The following LRP5 variants were observed in gnomAD, a reference collection of about 807,000 sequenced individuals.
The protein encoded by LRP5 is LDL receptor related protein 5.
Under a neutral mutation model 154.1 loss-of-function variants are expected in LRP5, and 62 were observed. The ratio of observed to expected loss-of-function variants is 0.40; its 90% CI spans 0.33 to 0.50. LRP5 has a LOEUF of 0.50. Ranked by LOEUF, LRP5 falls within the 20% of genes least tolerant of loss-of-function variation. The pLI is 0.55. For missense variants in LRP5, 1,915 were observed against 2,336.7 expected (o/e 0.82, Z 3.72); for synonymous variants, 966 against 1,011.5 (o/e 0.96, Z 0.85).
chr11:68,434,627 G>A (rs193258297), intron 18 of LRP5, among the ~76,000 whole-genome samples: 3,450 of 152,246 alleles, frequency 0.023, 135 homozygotes, highest in African/African-American at 0.079. Flanking sequence ...TGATCCGCCC[G>A]CCTCAGCCTC....
At chr11:68,342,571 G>A (rs941020867) in intron 1 of LRP5, among the ~76,000 whole-genome samples, 18 of 152,212 alleles carry the variant, frequency 1.2e-4, no homozygotes, top group African/African-American at 3.9e-4. Context: ...GGTGGTGGGA[G>A]AGTGATGTGG....
intron 13 of LRP5, among the ~76,000 whole-genome samples, chr11:68,421,861 C>G (rs1237089055): frequency 6.6e-6 from 1 of 151,510 alleles, no homozygotes; most frequent in Non-Finnish European, 1.5e-5. Context: ...GGGAGGCACC[C>G]TTTCCATCTG....
intron 1 of LRP5, among the ~76,000 whole-genome samples, chr11:68,328,570 G>A (rs1035279079): frequency 5.9e-5 from 9 of 152,156 alleles, no homozygotes; most frequent in Admixed American, 2.6e-4. Flanking sequence ...CTCCCACCTC[G>A]ATGGAAACCA....
intron 16 of LRP5, among the ~76,000 whole-genome samples, chr11:68,427,382 A>G (rs953259218): frequency 6.6e-6 from 1 of 152,110 alleles, no homozygotes; most frequent in African/African-American, 2.4e-5. Flanking sequence ...CAAAAAATAC[A>G]AACAAAAAGG....
At chr11:68,361,498 G>A (rs190233348) in intron 3 of LRP5, among the ~76,000 whole-genome samples, 7 of 150,738 alleles carry the variant, frequency 4.6e-5, no homozygotes, top group Admixed American at 1.3e-4. Context: ...TTAGCCAGGC[G>A]TGGTGGCCGG....
chr11:68,449,213 G>A lies in LRP5; in HGVS notation c.*143G>A. The A allele has an allele frequency of 2.1e-6, 1 of 476,786 alleles. No homozygotes were observed. The highest frequency in any genetic ancestry group is 3.9e-5 in the East Asian group (1 of 25,376). The allele number at this position is 476,786 out of a possible 1,614,324, so 29.5% of individuals were successfully genotyped here. A position where few individuals can be genotyped will look rare whatever the true frequency, so the allele number is the denominator to read the frequency against. ...AGAAATGTGAACTGTGATGGGGTGGGCAGGGCTGGGAGAACTTTGTACAGT... is the reference window on the plus strand; with the variant it reads ...AGAAATGTGAACTGTGATGGGGTGGACAGGGCTGGGAGAACTTTGTACAGT... On this transcript the variant is annotated 3_prime_UTR_variant, in exon 23 of 23. Transcript: ENST00000294304.
chr11:68,341,576 T>C lies in LRP5; in HGVS notation c.92-6271T>C, dbSNP rs772069994. ...GTGACCCCTGAGCTTCAGGGGGCTG[T>C]GAAACGAGAGACCTTGGGCACATGG... On this transcript the variant is annotated intron_variant, in intron 1 of 22. Coordinates refer to ENST00000294304, the MANE Select transcript of LRP5 (RefSeq NM_002335.4). Among the ~76,000 whole-genome samples the C allele has an allele frequency of 6.6e-5, 10 of 152,178 alleles. No individual in the cohort carries two copies. The South Asian group carries it at 1.0e-3, about 16-fold the overall frequency.
intron 1 of LRP5, among the ~76,000 whole-genome samples, chr11:68,335,101 C>T (rs1231672674): frequency 1.4e-5 from 2 of 144,642 alleles, no homozygotes; most frequent in African/African-American, 5.1e-5. Context: ...TTTAAGACAG[C>T]GTCTTGCTGT....
chr11:68,439,163 G>A (rs921453872), intron 20 of LRP5, among the ~76,000 whole-genome samples: 5 of 152,226 alleles, frequency 3.3e-5, no homozygotes, highest in South Asian at 2.1e-4. Flanking sequence ...CAGCCGCACC[G>A]CAGAGCTGCA....
intron 8 of LRP5, among the ~76,000 whole-genome samples, chr11:68,405,107 C>T (rs904874752): frequency 2.0e-5 from 3 of 151,578 alleles, no homozygotes; most frequent in African/African-American, 7.3e-5. Flanking sequence ...GTAGTGAGCC[C>T]GTATCGTACC....
At chr11:68,379,722 T>C (rs141287004) in intron 5 of LRP5, among the ~76,000 whole-genome samples, 105 of 152,386 alleles carry the variant, frequency 6.9e-4, no homozygotes, top group African/African-American at 2.4e-3. Context: ...AGAGCAGTTT[T>C]AAGTTTACAG....
intron 11 of LRP5, among the ~76,000 whole-genome samples, chr11:68,412,280 G>A (rs1233226744): frequency 6.6e-6 from 1 of 152,172 alleles, no homozygotes; most frequent in Non-Finnish European, 1.5e-5. Context: ...GGTGACAGGG[G>A]CAACTGTGCT....
intron 2 of LRP5, among the ~76,000 whole-genome samples, chr11:68,352,276 C>G (rs971778066): frequency 6.6e-6 from 1 of 152,080 alleles, no homozygotes; most frequent in Non-Finnish European, 1.5e-5. Flanking sequence ...CATGTAGGTT[C>G]GATAAAAAGA....
chr11:68,408,551 TTAAG>T (rs764402847), intron 9 of LRP5, among the ~76,000 whole-genome samples: 9 of 152,108 alleles, frequency 5.9e-5, no homozygotes, highest in Non-Finnish European at 5.9e-5. Context: ...CATATTGCCT[TTAAG>T]TCTTTTTTCT....
At chr11:68,322,087 C>A (rs1391342101) in intron 1 of LRP5, among the ~76,000 whole-genome samples, 1 of 152,234 alleles carries the variant, frequency 6.6e-6, no homozygotes, top group Non-Finnish European at 1.5e-5. Flanking sequence ...TCCAAACTTT[C>A]CCCCAGAGCG....
chr11:68,445,774 G>A (rs1297290531), intron 21 of LRP5: 2 of 773,254 alleles, frequency 2.6e-6, no homozygotes, highest in East Asian at 5.0e-5. Context: ...GGACCTGGGG[G>A]GCACGTTCAC....
At chr11:68,335,457 G>A (rs1339127614) in intron 1 of LRP5, among the ~76,000 whole-genome samples, 1 of 152,040 alleles carries the variant, frequency 6.6e-6, no homozygotes, top group Non-Finnish European at 1.5e-5. Context: ...AACAGTTTGG[G>A]AGGCTGAGGT....
chr11:68,394,621 G>A (rs564365305), intron 7 of LRP5, among the ~76,000 whole-genome samples: 2 of 152,152 alleles, frequency 1.3e-5, no homozygotes, highest in Non-Finnish European at 1.5e-5. Flanking sequence ...GCCTGCCACC[G>A]CGCCCGGCTA....
At chr11:68,394,103 A>G (rs762248055) in intron 7 of LRP5, among the ~76,000 whole-genome samples, 17 of 152,000 alleles carry the variant, frequency 1.1e-4, no homozygotes, top group Non-Finnish European at 2.4e-4. Context: ...GTGCTCCCAC[A>G]TTTTTCAGAT....
Sources: allele counts gnomAD v4.1 joint callset (sites outside exome capture counted in the v4.1 genomes callset), GRCh38; gene constraint gnomAD v4.1.1; transcripts MANE v1.5; gene names NCBI Gene and HGNC (gene_info 2026-07-23, HGNC 2026-07-21).